UBOX5: variants seen among roughly 807,000 people sequenced by gnomAD.
The protein encoded by UBOX5 is RING finger protein 37.
A neutral mutation model predicts 39.0 loss-of-function variants in UBOX5; 28 were observed. The observed-to-expected ratio is 0.72, with a 90% CI of 0.53 to 0.98. The LOEUF (loss-of-function observed/expected upper bound fraction) is 0.98, where lower values mean the gene tolerates loss of function less well. Ranked by LOEUF, UBOX5 falls within the 50% of genes least tolerant of loss-of-function variation. The pLI, the probability that UBOX5 is intolerant of heterozygous loss-of-function variation, is 0.00. For synonymous variants in UBOX5, 283 were observed against 275.5 expected (o/e 1.03, Z -0.27); for missense variants, 585 against 674.4 (o/e 0.87, Z 1.47).
At position 3,148,799 on chromosome 20, in the gene UBOX5, A is replaced by G. The variant is rs115238082; in HGVS notation, c.-42+10967T>C. Reference sequence around the variant, plus strand: ...TGTGGCCCTGGGTGAGCCCAGCTGCAATGTACTGGCCTTAGAGGAAGAAGT... The same window carrying G: ...TGTGGCCCTGGGTGAGCCCAGCTGCGATGTACTGGCCTTAGAGGAAGAAGT... On this transcript the variant is annotated intron_variant, in intron 1 of 4. Transcript: ENST00000217173. The G allele has an allele frequency of 2.8e-5, 46 of 1,614,248 alleles. No homozygotes were observed. The African/African-American group carries it at 6.1e-4, about 22-fold the overall frequency.
At chr20:3,129,084 CCG>C (rs1298781774) in intron 1 of UBOX5, among the ~76,000 whole-genome samples, 1 of 152,146 alleles carries the variant, frequency 6.6e-6, no homozygotes, top group Non-Finnish European at 1.5e-5. Context: ...GCTTCTCCAC[CCG>C]CGTCAGGGGC....
chr20:3,125,182 C>T (rs1467027348), intron 1 of UBOX5, among the ~76,000 whole-genome samples: 2 of 148,544 alleles, frequency 1.3e-5, no homozygotes, highest in African/African-American at 2.5e-5. Context: ...CGCCACTGCC[C>T]GGCTGCACCA....
At position 3,115,385 on chromosome 20, in the gene UBOX5, G is replaced by A. The variant is rs1161466665; in HGVS notation, c.1337C>T (p.Thr446Met). The A allele has an allele frequency of 5.0e-6, 8 of 1,614,154 alleles. No individual in the cohort carries two copies. The highest frequency in any genetic ancestry group is 4.5e-5 in the East Asian group (2 of 44,874). The change falls in exon 4 of 5, where the codon ACG becomes ATG. Residue 446 changes from threonine to methionine, a missense_variant. Transcript: ENST00000217173. ...GAGCTGTCCCCTGGTCAGCCGTGCC[G>A]TGAAGGAGGGCATAGAGCCAAGGGT... ...ASTLGSMPSFTARLTRGQLQH... is the reference protein window; with the variant it reads ...ASTLGSMPSFMARLTRGQLQH...
intron 1 of UBOX5, chr20:3,148,158 A>G (rs776398507): frequency 1.0e-4 from 163 of 1,613,762 alleles, no homozygotes; most frequent in Non-Finnish European, 1.3e-4. Flanking sequence ...TTAAGGATCA[A>G]TGATTCCAAT....
chr20:3,143,810 T>A (rs565995496), intron 1 of UBOX5, among the ~76,000 whole-genome samples: 1 of 151,222 alleles, frequency 6.6e-6, no homozygotes, highest in Non-Finnish European at 1.5e-5. Flanking sequence ...AAAAAAAAAA[T>A]TAGCCAGTTA....
intron 1 of UBOX5, among the ~76,000 whole-genome samples, chr20:3,141,505 T>C (rs371496712): frequency 1.3e-5 from 2 of 151,598 alleles, no homozygotes; most frequent in African/African-American, 4.8e-5. Context: ...CAAAGTTAGC[T>C]GGGGGTGGTG....
chr20:3,144,792 C>T (rs1299664611), intron 1 of UBOX5, among the ~76,000 whole-genome samples: 2 of 152,138 alleles, frequency 1.3e-5, no homozygotes, highest in African/African-American at 4.8e-5. Context: ...CACCAGACTT[C>T]CTAATATAAC....
At chr20:3,129,396 G>A (rs2066413232) in intron 1 of UBOX5, among the ~76,000 whole-genome samples, 5 of 152,116 alleles carry the variant, frequency 3.3e-5, no homozygotes, top group Admixed American at 3.3e-4. Context: ...AAATTCAGTG[G>A]CCGACTTGTG....
intron 1 of UBOX5, among the ~76,000 whole-genome samples, chr20:3,139,953 C>T (rs1188141594): frequency 6.6e-6 from 1 of 150,530 alleles, no homozygotes; most frequent in African/African-American, 2.4e-5. Flanking sequence ...TGTCATCTGC[C>T]CACTTGGGCC....
At chr20:3,124,215 GCCTCTCC>G (rs1229425912) in intron 1 of UBOX5, among the ~76,000 whole-genome samples, 13 of 151,976 alleles carry the variant, frequency 8.6e-5, no homozygotes, top group South Asian at 2.1e-4. Context: ...AAAAAGAAAA[GCCTCTCC>G]CCTCTCCCCT....
At chr20:3,144,403 A>C (rs2066542770) in intron 1 of UBOX5, among the ~76,000 whole-genome samples, 1 of 152,240 alleles carries the variant, frequency 6.6e-6, no homozygotes, top group African/African-American at 2.4e-5. Flanking sequence ...CTCTTCAACA[A>C]ATGATGCTGG....
chr20:3,126,601 CAG>C (rs940692486), intron 1 of UBOX5, among the ~76,000 whole-genome samples: 18 of 115,076 alleles, frequency 1.6e-4, no homozygotes, highest in Non-Finnish European at 2.9e-4. Context: ...AAGAAAAAGA[CAG>C]AGAAAGAGAG....
At chr20:3,158,484 A>G (rs1325576012) in intron 1 of UBOX5, among the ~76,000 whole-genome samples, 1 of 152,042 alleles carries the variant, frequency 6.6e-6, no homozygotes, top group Non-Finnish European at 1.5e-5. Flanking sequence ...TTATTTATTC[A>G]TTTATTTGAG....
Position 3,149,876 on chromosome 20 carries a change from A to G in UBOX5, c.-42+9890T>C, listed in dbSNP as rs2066607009. ...CTATTAAAAATACAAAAAATTACCC[A>G]GGTGTGGCAGCACACACCTGTAATC... On this transcript the variant is annotated intron_variant, in intron 1 of 4. Transcript: ENST00000217173. The surrounding 1 kb of genome is among the most constrained non-coding windows in gnomAD (Gnocchi z 4.1). 1.3e-5 allele frequency among the ~76,000 whole-genome samples: 2 copies of G among 151,998 alleles called. No homozygotes were observed. The highest frequency in any genetic ancestry group is 6.6e-5 in the Admixed American group (1 of 15,254).
Position 3,122,292 on chromosome 20 carries a change from G to A in UBOX5, c.347C>T (p.Thr116Ile), listed in dbSNP as rs944836194. 1.2e-6 allele frequency: 2 copies of A among 1,614,190 alleles called. No individual in the cohort carries two copies. Among genetic ancestry groups the A allele is most frequent in the African/African-American group, 1.3e-5 (1 of 75,050 alleles). Reference protein sequence around the residue: ...EPSVPDKEAFTLVGKVLLKNQ... With the variant: ...EPSVPDKEAFILVGKVLLKNQ... ...TTTCAGTAAGACTTTGCCTACCAAG[G>A]TGAACGCCTCCTTGTCTGGGACAGA... Residue 116 changes from threonine to isoleucine, a missense_variant, in exon 3 of 5, where the codon ACC becomes ATC. Thr to Ile is a moderately conservative substitution (Grantham distance 89, BLOSUM62 -1). Coordinates refer to ENST00000217173, the MANE Select transcript of UBOX5 (RefSeq NM_014948.4).
At chr20:3,134,718 G>A (rs759975379) in intron 1 of UBOX5, among the ~76,000 whole-genome samples, 2 of 151,050 alleles carry the variant, frequency 1.3e-5, no homozygotes, top group Admixed American at 6.6e-5. Context: ...AATTAGCCAG[G>A]CATGGTGGCG....
At chr20:3,140,114 T>C (rs2066505468) in intron 1 of UBOX5, among the ~76,000 whole-genome samples, 2 of 144,104 alleles carry the variant, frequency 1.4e-5, no homozygotes, top group East Asian at 4.4e-4. Context: ...CTCCACCTCC[T>C]GGGCTCAAGC....
chr20:3,119,474 T>C (rs1272023174), intron 3 of UBOX5, among the ~76,000 whole-genome samples: 1 of 152,210 alleles, frequency 6.6e-6, no homozygotes, highest in African/African-American at 2.4e-5. Flanking sequence ...TATGAGACAA[T>C]GAATGTTTGT....
At chr20:3,117,971 G>A (rs1163636100) in intron 3 of UBOX5, among the ~76,000 whole-genome samples, 4 of 152,030 alleles carry the variant, frequency 2.6e-5, no homozygotes, top group African/African-American at 4.8e-5. Context: ...CAGCCAGGGC[G>A]ACAGAATGAG....
Sources: allele counts gnomAD v4.1 joint callset (sites outside exome capture counted in the v4.1 genomes callset), GRCh38; gene constraint gnomAD v4.1.1; non-coding constraint Gnocchi (gnomAD v3.1); transcripts MANE v1.5; gene names NCBI Gene and HGNC (gene_info 2026-07-23, HGNC 2026-07-21).